Variants in ACOT1 observed in about 807,000 individuals in gnomAD.
The protein encoded by ACOT1 is acyl-coenzyme A thioesterase 1.
ACOT1 carries 8 observed loss-of-function variants against 15.7 expected under a neutral mutation model. The observed-to-expected ratio is 0.51, with a 90% CI of 0.30 to 0.92. The LOEUF (loss-of-function observed/expected upper bound fraction) is 0.92, where lower values mean the gene tolerates loss of function less well. Ranked by LOEUF, ACOT1 falls within the 40% of genes least tolerant of loss-of-function variation. The pLI, the probability that ACOT1 is intolerant of heterozygous loss-of-function variation, is 0.06. For synonymous variants in ACOT1, 67 were observed against 241.2 expected, an observed-to-expected ratio of 0.28 and a Z score of 6.69; for missense variants, 151 against 539.4, an observed-to-expected ratio of 0.28 and a Z score of 7.13.
chr14:73,492,007 G>C, the ACOT1 span: 3 of 1,613,788 alleles, frequency 1.9e-6, no homozygotes, highest in African/African-American at 4.0e-5. The surrounding 1 kb of genome is among the most constrained non-coding windows in gnomAD (Gnocchi z 4.9). Context: ...TTTACCTCAC[G>C]CCCCCTAACT....
the ACOT1 span, among the ~76,000 whole-genome samples, chr14:73,513,224 C>T: frequency 1.7e-3 from 264 of 152,284 alleles, 1 homozygote; most frequent in Middle Eastern, 3.4e-3. Flanking sequence ...TTTGGGAGGC[C>T]AAGGCGGGGA....
chr14:73,499,140 C>G, the ACOT1 span: 1 of 1,613,890 alleles, frequency 6.2e-7, no homozygotes, highest in Non-Finnish European at 8.5e-7. Flanking sequence ...CATTCAAGCA[C>G]CTGGGATGGA....
chr14:73,492,972 G>C, the ACOT1 span: 1 of 1,595,876 alleles, frequency 6.3e-7, no homozygotes. The surrounding 1 kb of genome is among the most constrained non-coding windows in gnomAD (Gnocchi z 4.9). Context: ...AAACAAGGCA[G>C]TAGTGATTCT....
the ACOT1 span, chr14:73,514,126 A>G: frequency 1.9e-6 from 3 of 1,614,152 alleles, no homozygotes; most frequent in Admixed American, 1.7e-5. Flanking sequence ...CTGCTTCTTC[A>G]ATCTCCTGGT....
At chr14:73,536,616 C>G (rs1272239361), upstream of ACOT1, among the ~76,000 whole-genome samples, 2 of 111,438 alleles carry the variant, frequency 1.8e-5, no homozygotes, top group African/African-American at 5.9e-5. Context: ...ATTGGCCGGG[C>G]GCGGTGGCTC....
the ACOT1 span, among the ~76,000 whole-genome samples, chr14:73,513,728 CAAAAAAAAAAAAAAAAAA>C: frequency 8.6e-5 from 4 of 46,774 alleles, no homozygotes; most frequent in Non-Finnish European, 1.5e-4. Context: ...ACTACGTCTC[CAAAAAAAAAAAAAAAAAA>C]AAAAAAAAAA....
chr14:73,510,424 T>TTTTTTG, the ACOT1 span, among the ~76,000 whole-genome samples: 1 of 145,610 alleles, frequency 6.9e-6, no homozygotes, highest in Non-Finnish European at 1.5e-5. Flanking sequence ...TGGCTGGAGT[T>TTTTTTG]TTTTTGTTTT....
chr14:73,500,870 T>G, the ACOT1 span: 7 of 707,288 alleles, frequency 9.9e-6, no homozygotes, highest in Non-Finnish European at 1.6e-5. Flanking sequence ...GAGATAAGTT[T>G]TACTGGGTAC....
the ACOT1 span, chr14:73,491,444 G>A: frequency 1.4e-6 from 2 of 1,384,680 alleles, no homozygotes; most frequent in Non-Finnish European, 1.9e-6. Flanking sequence ...GGTCCGGGTG[G>A]TGGAGACCTC....
chr14:73,492,979 T>C, the ACOT1 span: 1 of 1,600,072 alleles, frequency 6.2e-7, no homozygotes, highest in Non-Finnish European at 8.5e-7. This position sits in a 1 kb window ranked among gnomAD's most constrained non-coding sequence, Gnocchi z 4.9. Flanking sequence ...GCAGTAGTGA[T>C]TCTCCGCTGC....
chr14:73,500,043 C>T, the ACOT1 span, among the ~76,000 whole-genome samples: 1 of 152,196 alleles, frequency 6.6e-6, no homozygotes, highest in African/African-American at 2.4e-5. Context: ...TCCTGGCTAA[C>T]ACGGTGAAAC....
the ACOT1 span, chr14:73,520,385 C>T: frequency 6.5e-6 from 1 of 154,372 alleles, no homozygotes; most frequent in East Asian, 1.9e-4. Context: ...GTACTTGTGG[C>T]TCAGAGGAAT....
the ACOT1 span, among the ~76,000 whole-genome samples, chr14:73,496,926 G>A: frequency 1.3e-5 from 2 of 152,210 alleles, no homozygotes; most frequent in African/African-American, 4.8e-5. Flanking sequence ...GTCTTGCTCT[G>A]TTTCCCAGAG....
the ACOT1 span, among the ~76,000 whole-genome samples, chr14:73,493,667 ATC>A: frequency 2.6e-5 from 4 of 152,016 alleles, no homozygotes; most frequent in African/African-American, 9.7e-5. Context: ...GCAAAACCCC[ATC>A]TCTAGTGAGA....
At chr14:73,503,037 G>A in the ACOT1 span, 16 of 1,535,198 alleles carry the variant, frequency 1.0e-5, no homozygotes, top group Admixed American at 5.0e-5. Context: ...TGATCATTAG[G>A]TATCATCACT....
the ACOT1 span, among the ~76,000 whole-genome samples, chr14:73,524,738 C>T: frequency 6.6e-6 from 1 of 151,304 alleles, no homozygotes; most frequent in African/African-American, 2.4e-5. Flanking sequence ...CACTCCCTAC[C>T]ACTCACTTTG....
the ACOT1 span, chr14:73,518,926 T>C: frequency 8.0e-7 from 1 of 1,243,324 alleles, no homozygotes; most frequent in Non-Finnish European, 1.1e-6. Context: ...CTTCAGCCCA[T>C]GAACTGGGAG....
chr14:73,507,836 A>C, the ACOT1 span, among the ~76,000 whole-genome samples: 6,629 of 152,218 alleles, frequency 0.044, 190 homozygotes, highest in Non-Finnish European at 0.069. Flanking sequence ...TTCACCTCCC[A>C]GGCTGAAGTG....
the ACOT1 span, among the ~76,000 whole-genome samples, chr14:73,503,826 T>C: frequency 2.3e-4 from 35 of 152,254 alleles, no homozygotes; most frequent in Non-Finnish European, 4.9e-4. Flanking sequence ...GGTCAGAAAC[T>C]GCATGCTTAC....
Sources: allele counts gnomAD v4.1 joint callset (sites outside exome capture counted in the v4.1 genomes callset), GRCh38; gene constraint gnomAD v4.1.1; non-coding constraint Gnocchi (gnomAD v3.1); transcripts MANE v1.5; gene names NCBI Gene and HGNC (gene_info 2026-07-23, HGNC 2026-07-21).